PPP1R3B: variants seen among roughly 807,000 people sequenced by gnomAD.
PPP1R3B encodes protein phosphatase 1 regulatory subunit 3B.
Under a neutral mutation model 14.6 loss-of-function variants are expected in PPP1R3B, and 8 were observed. That is an observed-to-expected ratio of 0.55 (90% CI 0.32 to 0.99). The LOEUF (loss-of-function observed/expected upper bound fraction) is 0.99. Among genes scored for constraint, PPP1R3B ranks in the 50% least tolerant of loss-of-function variants. PPP1R3B has a pLI of 0.04. For missense variants in PPP1R3B, 452 were observed against 360.1 expected (o/e 1.26, Z -2.07); for synonymous variants, 169 against 142.0 (o/e 1.19, Z -1.35).
At chr8:9,148,290 G>C (rs776103454) in intron 1 of PPP1R3B, among the ~76,000 whole-genome samples, 3 of 152,156 alleles carry the variant, frequency 2.0e-5, no homozygotes, top group Non-Finnish European at 2.9e-5. Flanking sequence ...GAAGCACCAG[G>C]CTGCAGCCCA....
At position 9,138,633 on chromosome 8, in the gene PPP1R3B, AAG is replaced by A. The variant is rs1800970467; in HGVS notation, c.*2159_*2160del. 6.6e-6 allele frequency: 1 copy of A among 152,198 alleles called. No individual in the cohort carries two copies. The allele number at this position is 152,198 out of a possible 1,614,324, so 9.4% of individuals were successfully genotyped here. A position where few individuals can be genotyped will look rare whatever the true frequency, so the allele number is the denominator to read the frequency against. On this transcript the variant is annotated 3_prime_UTR_variant, in exon 2 of 2. Coordinates refer to ENST00000310455, the MANE Select transcript of PPP1R3B (RefSeq NM_024607.4). ...AAATTAATCTGGAAAATCCAAGCACAAGACTCTTAGCTTGAAAAGCCTGACAA... is the reference window on the plus strand; with the variant it reads ...AAATTAATCTGGAAAATCCAAGCACAACTCTTAGCTTGAAAAGCCTGACAA...
rs1038170834 is a variant in PPP1R3B, at chr8:9,138,765, T to G, written c.*2029A>C. The G allele has an allele frequency of 1.2e-4, 18 of 152,194 alleles. No homozygotes were observed. Among genetic ancestry groups the G allele is most frequent in the Admixed American group, 1.0e-3 (16 of 15,284 alleles). The allele number at this position is 152,194 out of a possible 1,614,324, so 9.4% of individuals were successfully genotyped here. Reference sequence around the variant, plus strand: ...GGCAAAACAGAAAATAAAAGAGTCGTTTAACCAAACTCCAAAAACAAACAA... The same window carrying G: ...GGCAAAACAGAAAATAAAAGAGTCGGTTAACCAAACTCCAAAAACAAACAA... On this transcript the variant is annotated 3_prime_UTR_variant, in exon 2 of 2. Coordinates refer to ENST00000310455, the MANE Select transcript of PPP1R3B (RefSeq NM_024607.4).
At chr8:9,151,311 C>T (rs868017433), upstream of PPP1R3B, 2 of 153,868 alleles carry the variant, frequency 1.3e-5, no homozygotes, top group Middle Eastern at 3.3e-3. Flanking sequence ...TGTCCCCAGC[C>T]CTTCCCTCGG....
intron 1 of PPP1R3B, among the ~76,000 whole-genome samples, chr8:9,142,593 G>T (rs1406832656): frequency 6.6e-6 from 1 of 151,958 alleles, no homozygotes; most frequent in Admixed American, 6.6e-5. Flanking sequence ...GCACCATATT[G>T]TACATCAGAT....
chr8:9,146,476 G>C (rs1801243878), intron 1 of PPP1R3B, among the ~76,000 whole-genome samples: 1 of 152,046 alleles, frequency 6.6e-6, no homozygotes, highest in Admixed American at 6.6e-5. Flanking sequence ...TTCACCTTCT[G>C]ATTGTGATTA....
chr8:9,144,360 A>T (rs1416685809), intron 1 of PPP1R3B, among the ~76,000 whole-genome samples: 3 of 150,888 alleles, frequency 2.0e-5, no homozygotes, highest in Non-Finnish European at 2.9e-5. Flanking sequence ...GCTAATTTTT[A>T]AAAAATATTT....
At chr8:9,146,726 A>C (rs1801251714) in intron 1 of PPP1R3B, among the ~76,000 whole-genome samples, 1 of 152,134 alleles carries the variant, frequency 6.6e-6, no homozygotes, top group Non-Finnish European at 1.5e-5. Flanking sequence ...ATCTAGTGAA[A>C]ATTTTAAGGG....
chr8:9,143,900 AAGACTAC>A (rs1019866510), intron 1 of PPP1R3B, among the ~76,000 whole-genome samples: 4 of 152,172 alleles, frequency 2.6e-5, no homozygotes, highest in Non-Finnish European at 5.9e-5. Context: ...AAAACAAAAA[AAGACTAC>A]AGACAAACTG....
Position 9,141,164 on chromosome 8 carries a change from C to G in PPP1R3B, c.488G>C (p.Arg163Thr), listed in dbSNP as rs1344611160. 2 of 1,614,028 alleles carry G rather than the reference C, an allele frequency of 1.2e-6. No individual in the cohort carries two copies. The highest frequency in any genetic ancestry group is 1.7e-6 in the Non-Finnish European group (2 of 1,180,012). Reference sequence around the variant, plus strand: ...GCTCTTCCAGGTGTCGAACGTCATCCTTATTTTCACGGTCTTCTCAAATGC... The same window carrying G: ...GCTCTTCCAGGTGTCGAACGTCATCGTTATTTTCACGGTCTTCTCAAATGC... ...NLAFEKTVKI[R>T]MTFDTWKSYT... The change falls in exon 2 of 2, where the codon AGG becomes ACG. Residue 163 changes from arginine (R) to threonine (T), a missense_variant. Arg to Thr is a moderately conservative substitution (Grantham distance 71, BLOSUM62 -1). Coordinates refer to ENST00000310455, the MANE Select transcript of PPP1R3B (RefSeq NM_024607.4).
intron 1 of PPP1R3B, among the ~76,000 whole-genome samples, chr8:9,146,987 A>T (rs1261540963): frequency 6.8e-6 from 1 of 147,208 alleles, no homozygotes. Flanking sequence ...CTTATTTTTA[A>T]TTTTTTTTTT....
chr8:9,140,584 A>C lies in PPP1R3B; in HGVS notation c.*210T>G. ...ACAGTGCGAAAGCGCGCCAGCCACC[A>C]CTGCTCCTTTGAGTGAGACACTGGT... On this transcript the variant is annotated 3_prime_UTR_variant, in exon 2 of 2. Transcript: ENST00000310455. 1.6e-6 allele frequency: 1 copy of C among 607,938 alleles called. No homozygotes were observed. Among genetic ancestry groups the C allele is most frequent in the South Asian group, 2.0e-5 (1 of 49,112 alleles). 37.7% of individuals were successfully genotyped at this position (607,938 alleles called of 1,614,324 possible). A position where few individuals can be genotyped will look rare whatever the true frequency, so the allele number is the denominator to read the frequency against.
intron 1 of PPP1R3B, chr8:9,145,119 A>T (rs1229338544): frequency 6.6e-6 from 1 of 150,988 alleles, no homozygotes; most frequent in African/African-American, 2.4e-5. Flanking sequence ...AAAAAAAAAT[A>T]TTATATATTT....
rs1321665510 is a variant in PPP1R3B, at chr8:9,137,532, T to A, written c.*3262A>T. The A allele has an allele frequency of 6.6e-6, 1 of 152,258 alleles. No individual in the cohort carries two copies. Among genetic ancestry groups the A allele is most frequent in the East Asian group, 1.9e-4 (1 of 5,192 alleles). The allele number at this position is 152,258 out of a possible 1,614,324, so 9.4% of individuals were successfully genotyped here. On this transcript the variant is annotated 3_prime_UTR_variant, in exon 2 of 2. Transcript: ENST00000310455. The stretch of plus-strand genomic sequence containing the variant: ...TGAAGTGTGTAGGCTTATCTACTGA[T>A]GATGAGCTATCAAACAAGGAGAGAA...
rs111753738 is a variant in PPP1R3B at position 9,137,232 on chromosome 8, A to T, written c.*3562T>A. 2.0e-5 allele frequency: 3 copies of T among 152,224 alleles called. No homozygotes were observed. Among genetic ancestry groups the T allele is most frequent in the African/African-American group, 7.2e-5 (3 of 41,452 alleles). 9.4% of individuals were successfully genotyped at this position (152,224 alleles called of 1,614,324 possible). On this transcript the variant is annotated 3_prime_UTR_variant, in exon 2 of 2. Coordinates refer to ENST00000310455, the MANE Select transcript of PPP1R3B (RefSeq NM_024607.4). ...GTCTTCCAATAGATACTGAAAGCTTATTTATTAAATATCTTTGTATAATCC... is the reference window on the plus strand; with the variant it reads ...GTCTTCCAATAGATACTGAAAGCTTTTTTATTAAATATCTTTGTATAATCC...
At chr8:9,141,814 G>A (rs899122590) in intron 1 of PPP1R3B, 146 bp from the exon 2 acceptor site, 6 of 660,048 alleles carry the variant, frequency 9.1e-6, no homozygotes, top group Non-Finnish European at 1.4e-5. Context: ...GATTAACTCT[G>A]GTGTGGTCCA....
In PPP1R3B at chr8:9,141,481, C is replaced by T. The variant is rs1469762469; in HGVS notation, c.171G>A (p.Lys57=). ...SGMVAPAVQE[K]KVKKRVSFAD... is the part of the protein sequence containing the mutation. The stretch of plus-strand genomic sequence containing the variant: ...CGAAGGACACCCGCTTTTTCACCTT[C>T]TTCTCCTGGACAGCCGGGGCCACCA... Residue 57 remains lysine (K), a synonymous_variant, in exon 2 of 2, where the codon AAG becomes AAA. Transcript: ENST00000310455. 6.2e-7 allele frequency: 1 copy of T among 1,614,194 alleles called. No individual in the cohort carries two copies. Among genetic ancestry groups the T allele is most frequent in the Non-Finnish European group, 8.5e-7 (1 of 1,180,042 alleles).
chr8:9,140,604 A>G lies in PPP1R3B; in HGVS notation c.*190T>C, dbSNP rs1407005595. 3.1e-6 allele frequency: 2 copies of G among 645,806 alleles called. No homozygotes were observed. Among genetic ancestry groups the G allele is most frequent in the South Asian group, 2.0e-5 (1 of 50,190 alleles). The allele number at this position is 645,806 out of a possible 1,614,324, so 40.0% of individuals were successfully genotyped here. A position where few individuals can be genotyped will look rare whatever the true frequency, so the allele number is the denominator to read the frequency against. ...CCACCACTGCTCCTTTGAGTGAGAC[A>G]CTGGTTGTGTAATCTGAACCTGGCT... On this transcript the variant is annotated 3_prime_UTR_variant, in exon 2 of 2. Coordinates refer to ENST00000310455, the MANE Select transcript of PPP1R3B (RefSeq NM_024607.4).
chr8:9,141,253 G>T lies in PPP1R3B; in HGVS notation c.399C>A (p.Val133=). 6.2e-7 allele frequency: 1 copy of T among 1,614,228 alleles called. No individual in the cohort carries two copies. The highest frequency in any genetic ancestry group is 8.5e-7 in the Non-Finnish European group (1 of 1,180,048). ...CCTTGAGCACACAGTTCTCAAGGCA[G>T]ACGTGGTCGGCCTGAAGTCGATTTC... ...DFRNRLQADH[V]CLENCVLKDK... Residue 133 remains valine, a synonymous_variant, in exon 2 of 2, where the codon GTC becomes GTA. Coordinates refer to ENST00000310455, the MANE Select transcript of PPP1R3B (RefSeq NM_024607.4).
chr8:9,141,154 G>T lies in PPP1R3B; in HGVS notation c.498C>A (p.Phe166Leu). 2 of 1,614,020 alleles carry T rather than the reference G, an allele frequency of 1.2e-6. No individual in the cohort carries two copies. Among genetic ancestry groups the T allele is most frequent in the East Asian group, 4.5e-5 (2 of 44,880 alleles). The change falls in exon 2 of 2, where the codon TTC becomes TTA. Residue 166 changes from phenylalanine (F) to leucine (L), a missense_variant. Coordinates refer to ENST00000310455, the MANE Select transcript of PPP1R3B (RefSeq NM_024607.4). The part of the protein sequence containing the change: ...FEKTVKIRMT[F>L]DTWKSYTDFP... The stretch of plus-strand genomic sequence containing the variant: ...AGTCTGTGTAGCTCTTCCAGGTGTC[G>T]AACGTCATCCTTATTTTCACGGTCT...
Sources: allele counts gnomAD v4.1 joint callset (sites outside exome capture counted in the v4.1 genomes callset), GRCh38; gene constraint gnomAD v4.1.1; transcripts MANE v1.5; gene names NCBI Gene and HGNC (gene_info 2026-07-23, HGNC 2026-07-21).